CSMD1: variants seen among roughly 807,000 people sequenced by gnomAD.
CSMD1 encodes the protein CUB and Sushi multiple domains 1.
A neutral mutation model predicts 417.5 loss-of-function variants in CSMD1; 213 were observed. That is an observed-to-expected ratio of 0.51 (90% CI 0.46 to 0.57). CSMD1 has a LOEUF of 0.57. CSMD1 is among the 20% of genes least tolerant of loss of function. The pLI is 0.00. For missense variants in CSMD1, 6,923 were observed against 4,529.7 expected (o/e 1.53, Z -15.17); for synonymous variants, 2,862 against 1,736.8 (o/e 1.65, Z -16.11).
chr8:3,578,334 G>C (rs967987637), intron 9 of CSMD1, among the ~76,000 whole-genome samples: 3 of 152,070 alleles, frequency 2.0e-5, no homozygotes, highest in African/African-American at 7.2e-5. Flanking sequence ...AGGGAGCTTT[G>C]GTGATGATCT....
chr8:4,264,662 A>T (rs1358673006), intron 3 of CSMD1, among the ~76,000 whole-genome samples: 1 of 152,158 alleles, frequency 6.6e-6, no homozygotes, highest in East Asian at 1.9e-4. Flanking sequence ...AGCCATATTC[A>T]CCGAGGTGGT....
intron 52 of CSMD1, 41 bp from the exon 53 acceptor site, chr8:3,000,172 C>A: frequency 2.8e-6 from 4 of 1,453,604 alleles, no homozygotes; most frequent in Non-Finnish European, 3.7e-6. Context: ...GAGTGTCTGT[C>A]ATTTATAAAA....
chr8:4,764,081 C>G (rs1812291016), intron 1 of CSMD1, among the ~76,000 whole-genome samples: 1 of 152,178 alleles, frequency 6.6e-6, no homozygotes, highest in Admixed American at 6.5e-5. Flanking sequence ...TCTGCATCAT[C>G]TATGCAATCT....
At chr8:4,885,054 ACTT>A (rs1321795739) in intron 1 of CSMD1, among the ~76,000 whole-genome samples, 2 of 151,992 alleles carry the variant, frequency 1.3e-5, no homozygotes, top group African/African-American at 4.8e-5. Flanking sequence ...ATAAATTTGA[ACTT>A]CTTTGTTAAA....
intron 41 of CSMD1, among the ~76,000 whole-genome samples, chr8:3,133,083 G>C (rs1346470804): frequency 6.6e-6 from 1 of 152,222 alleles, no homozygotes; most frequent in Non-Finnish European, 1.5e-5. Flanking sequence ...AGCTCTGCGT[G>C]AGCCTGCATC....
chr8:3,157,163 C>T (rs1819587785), intron 39 of CSMD1, among the ~76,000 whole-genome samples: 1 of 151,990 alleles, frequency 6.6e-6, no homozygotes, highest in African/African-American at 2.4e-5. Context: ...GAATGGTTGC[C>T]TGAGCTACAG....
chr8:3,849,393 G>T (rs1438466816), intron 5 of CSMD1, among the ~76,000 whole-genome samples: 1 of 152,174 alleles, frequency 6.6e-6, no homozygotes, highest in South Asian at 2.1e-4. Flanking sequence ...AGGCGCCAAG[G>T]AAGGACGGAC....
intron 1 of CSMD1, among the ~76,000 whole-genome samples, chr8:4,650,100 C>A (rs1354821570): frequency 6.6e-6 from 1 of 152,128 alleles, no homozygotes; most frequent in East Asian, 1.9e-4. Flanking sequence ...ATGACCAGCA[C>A]TTTGGGAGGC....
intron 5 of CSMD1, among the ~76,000 whole-genome samples, chr8:3,853,533 G>T (rs74387682): frequency 6.6e-6 from 1 of 152,054 alleles, no homozygotes; most frequent in Non-Finnish European, 1.5e-5. Flanking sequence ...GTTACTAGAA[G>T]ATGCTCAATC....
At chr8:4,457,566 T>C (rs141532230) in intron 2 of CSMD1, among the ~76,000 whole-genome samples, 1 of 152,192 alleles carries the variant, frequency 6.6e-6, no homozygotes, top group Non-Finnish European at 1.5e-5. Context: ...CCTGTTAATT[T>C]ATTGTCTCTG....
rs576704200 is a variant in CSMD1 at position 3,742,256 on chromosome 8, T to C, written c.931+11674A>G. On this transcript the variant is annotated intron_variant, in intron 6 of 69. Transcript: ENST00000635120. ...ATTTAATTCTCACCTAGACATTTTA[T>C]TACTCCTAAGATTTCAGGTAAACAT... Among the ~76,000 whole-genome samples the C allele has an allele frequency of 7.9e-5, 12 of 152,324 alleles. No homozygotes were observed. The South Asian group carries it at 1.7e-3, about 21-fold the overall frequency.
rs116947944 is a variant in CSMD1 at position 4,384,753 on chromosome 8, T to A, written c.415+35200A>T. ...TGGAGCAATGTTGTGCCACTTCACA[T>A]CAGCAATTCCTACCGGTCGGGCTTC... On this transcript the variant is annotated intron_variant, in intron 3 of 69. Transcript: ENST00000635120. 6.5e-3 allele frequency among the ~76,000 whole-genome samples: 997 copies of A among 152,292 alleles called. 3 individuals are homozygous for A. Among genetic ancestry groups the A allele is most frequent in the Middle Eastern group, 0.02 (6 of 294 alleles).
intron 3 of CSMD1, among the ~76,000 whole-genome samples, chr8:4,312,924 G>T (rs73504653): frequency 6.6e-6 from 1 of 152,218 alleles, no homozygotes; most frequent in East Asian, 1.9e-4. Flanking sequence ...ACACTGATTG[G>T]CATAAATAAT....
intron 4 of CSMD1, among the ~76,000 whole-genome samples, chr8:4,011,056 C>A (rs902769124): frequency 6.6e-6 from 1 of 152,160 alleles, no homozygotes; most frequent in Non-Finnish European, 1.5e-5. Context: ...TTGCCAAATC[C>A]TCACTGCCAC....
Position 3,573,571 on chromosome 8 carries a change from CTG to C in CSMD1, c.1344+1372_1344+1373del, listed in dbSNP as rs200723911. ...GCTTGAATTTTTACATAAATAATAA[CTG>C]AGATTTTAGAACTAAAATAAGCCAA... On this transcript the variant is annotated intron_variant, in intron 10 of 69. Coordinates refer to ENST00000635120, the MANE Select transcript of CSMD1 (RefSeq NM_033225.6). Among the ~76,000 whole-genome samples, 424 of 152,248 alleles carry C rather than the reference CTG, an allele frequency of 2.8e-3. 3 individuals are homozygous for C. Among genetic ancestry groups the C allele is most frequent in the African/African-American group, 9.8e-3 (409 of 41,528 alleles).
intron 18 of CSMD1, among the ~76,000 whole-genome samples, chr8:3,369,826 T>C (rs1402069882): frequency 6.6e-6 from 1 of 152,224 alleles, no homozygotes. Context: ...ACAATTAGGA[T>C]GTCTGCAGAA....
At chr8:4,117,190 T>C (rs547331155) in intron 3 of CSMD1, among the ~76,000 whole-genome samples, 5 of 152,058 alleles carry the variant, frequency 3.3e-5, no homozygotes, top group Admixed American at 1.3e-4. Context: ...ATCTCGATGG[T>C]TGCTGGAATG....
At chr8:3,762,622 T>G (rs1274884315) in intron 5 of CSMD1, among the ~76,000 whole-genome samples, 1 of 152,176 alleles carries the variant, frequency 6.6e-6, no homozygotes, top group Non-Finnish European at 1.5e-5. Context: ...CCTAAGCCGC[T>G]CTTGTCTGTG....
chr8:3,357,045 G>C (rs559016353), intron 21 of CSMD1, among the ~76,000 whole-genome samples: 2 of 152,178 alleles, frequency 1.3e-5, no homozygotes, highest in South Asian at 2.1e-4. Context: ...GAGTGAGGTG[G>C]GGCTAGGAGG....
Sources: gnomAD v4.1 joint callset for allele counts (sites outside exome capture counted in the v4.1 genomes callset) on GRCh38, gnomAD v4.1.1 for gene constraint, MANE v1.5 for transcripts, NCBI Gene and HGNC (gene_info 2026-07-23, HGNC 2026-07-21) for gene names.